RBM20: variants seen among roughly 807,000 people sequenced by gnomAD.
RBM20 encodes the protein RNA-binding protein 20.
A neutral mutation model predicts 110.1 loss-of-function variants in RBM20; 51 were observed. The ratio of observed to expected loss-of-function variants is 0.46; its 90% CI spans 0.37 to 0.59. RBM20 has a LOEUF of 0.59. RBM20 is among the 20% of genes least tolerant of loss of function. The pLI, the probability that RBM20 is intolerant of heterozygous loss-of-function variation, is 0.00. For synonymous variants in RBM20, 589 were observed against 618.2 expected, an observed-to-expected ratio of 0.95 and a Z score of 0.70; for missense variants, 1,512 against 1,574.9, an observed-to-expected ratio of 0.96 and a Z score of 0.68.
At chr10:110,783,220 G>A (rs1162862382) in intron 2 of RBM20, 146 bp from the exon 3 acceptor site, 2 of 624,574 alleles carry the variant, frequency 3.2e-6, no homozygotes, top group Non-Finnish European at 6.0e-6. Context: ...GGGAGGGAGA[G>A]AGGAAGGGTG....
chr10:110,709,816 C>T (rs577932924), intron 1 of RBM20, among the ~76,000 whole-genome samples: 4 of 152,162 alleles, frequency 2.6e-5, no homozygotes, highest in South Asian at 2.1e-4. Context: ...AGCAATTCTC[C>T]CACCTTGGCC....
intron 1 of RBM20, among the ~76,000 whole-genome samples, chr10:110,677,811 ATC>A (rs1452875319): frequency 6.6e-6 from 1 of 152,182 alleles, no homozygotes; most frequent in East Asian, 1.9e-4. Context: ...TGTTGTAGAC[ATC>A]TCTCTAAAAA....
At chr10:110,806,737 T>A (rs1433143783) in intron 7 of RBM20, among the ~76,000 whole-genome samples, 1 of 152,224 alleles carries the variant, frequency 6.6e-6, no homozygotes, top group Admixed American at 6.5e-5. Context: ...CTTTTGTGTA[T>A]GTTTGAAATT....
chr10:110,714,768 CAAG>C (rs1384037734), intron 1 of RBM20, among the ~76,000 whole-genome samples: 3 of 152,142 alleles, frequency 2.0e-5, no homozygotes, highest in African/African-American at 7.2e-5. Flanking sequence ...GTCCATCTTC[CAAG>C]AAGAATCCTT....
chr10:110,824,781 A>G (rs1844962511), intron 12 of RBM20, among the ~76,000 whole-genome samples: 1 of 152,186 alleles, frequency 6.6e-6, no homozygotes, highest in Non-Finnish European at 1.5e-5. Context: ...GGTCGGAATT[A>G]GATAAAGTAG....
intron 1 of RBM20, among the ~76,000 whole-genome samples, chr10:110,681,911 C>T (rs1489869510): frequency 1.3e-5 from 2 of 151,404 alleles, no homozygotes; most frequent in Non-Finnish European, 2.9e-5. Flanking sequence ...GTTGTTGAGA[C>T]AAAGTTTCGC....
chr10:110,671,763 A>G (rs1454897049), intron 1 of RBM20, among the ~76,000 whole-genome samples: 1 of 152,186 alleles, frequency 6.6e-6, no homozygotes, highest in African/African-American at 2.4e-5. Flanking sequence ...ATATATATCG[A>G]CATGCTTATT....
chr10:110,807,649 C>G (rs1353372391), intron 7 of RBM20, among the ~76,000 whole-genome samples: 5 of 152,254 alleles, frequency 3.3e-5, no homozygotes, highest in African/African-American at 4.8e-5. Flanking sequence ...TCTGCAAAAC[C>G]TCAGCCGCTC....
intron 1 of RBM20, among the ~76,000 whole-genome samples, chr10:110,680,830 G>T (rs12355792): frequency 1.3e-5 from 2 of 151,974 alleles, no homozygotes; most frequent in South Asian, 4.1e-4. Flanking sequence ...GCTGCTTCTT[G>T]CTGGGGACAG....
chr10:110,742,321 C>A (rs74574059), intron 1 of RBM20, among the ~76,000 whole-genome samples: 2,613 of 152,322 alleles, frequency 0.017, 77 homozygotes, highest in African/African-American at 0.06. Flanking sequence ...TGAGCCATTT[C>A]TTTCTTAGCT....
intron 7 of RBM20, among the ~76,000 whole-genome samples, chr10:110,801,501 C>T (rs189582109): frequency 2.0e-4 from 31 of 151,624 alleles, no homozygotes; most frequent in Middle Eastern, 3.5e-3. Context: ...TAAATTTTTG[C>T]CTGTCGTGGG....
intron 1 of RBM20, among the ~76,000 whole-genome samples, chr10:110,708,392 A>T (rs1430759737): frequency 6.6e-6 from 1 of 152,242 alleles, no homozygotes; most frequent in African/African-American, 2.4e-5. Flanking sequence ...TGTGAGGACC[A>T]GCGTGATGAA....
At chr10:110,736,485 A>G (rs576845698) in intron 1 of RBM20, among the ~76,000 whole-genome samples, 69 of 152,272 alleles carry the variant, frequency 4.5e-4, no homozygotes, top group African/African-American at 1.6e-3. Flanking sequence ...TCCTGTTTTC[A>G]TCTGAATTTT....
chr10:110,771,512 A>G (rs535486494), intron 1 of RBM20, among the ~76,000 whole-genome samples: 3 of 152,342 alleles, frequency 2.0e-5, no homozygotes, highest in South Asian at 4.1e-4. Context: ...TATAGTTCCT[A>G]TCTTCGAATG....
At chr10:110,680,782 G>A (rs1862412512) in intron 1 of RBM20, among the ~76,000 whole-genome samples, 2 of 152,148 alleles carry the variant, frequency 1.3e-5, no homozygotes, top group South Asian at 4.2e-4. Flanking sequence ...CAGTAAGGTT[G>A]GAGGAAGACA....
At chr10:110,772,183 T>C (rs957131754) in intron 1 of RBM20, among the ~76,000 whole-genome samples, 1 of 152,248 alleles carries the variant, frequency 6.6e-6, no homozygotes. Flanking sequence ...TTGAGCCACA[T>C]TTCACTCTGA....
chr10:110,724,081 G>C (rs1420603807), intron 1 of RBM20, among the ~76,000 whole-genome samples: 2 of 152,166 alleles, frequency 1.3e-5, no homozygotes, highest in East Asian at 3.8e-4. Context: ...AAGAGACCAA[G>C]CCAGGGTCCA....
intron 1 of RBM20, among the ~76,000 whole-genome samples, chr10:110,776,924 T>C (rs1349606530): frequency 6.6e-6 from 1 of 152,188 alleles, no homozygotes; most frequent in Admixed American, 6.5e-5. Flanking sequence ...TACCTGCTTG[T>C]AGGTTTAGTT....
At chr10:110,755,295 T>G (rs1843907896) in intron 1 of RBM20, among the ~76,000 whole-genome samples, 1 of 152,222 alleles carries the variant, frequency 6.6e-6, no homozygotes. Flanking sequence ...TCTTTCATCC[T>G]TACCCCTTTG....
Sources: gnomAD v4.1 joint callset for allele counts (sites outside exome capture counted in the v4.1 genomes callset) on GRCh38, gnomAD v4.1.1 for gene constraint, MANE v1.5 for transcripts, NCBI Gene and HGNC (gene_info 2026-07-23, HGNC 2026-07-21) for gene names.